SETBP1: variants seen among roughly 807,000 people sequenced by gnomAD.
The protein encoded by SETBP1 is SET binding protein 1.
A neutral mutation model predicts 101.0 loss-of-function variants in SETBP1; 9 were observed. That is an observed-to-expected ratio of 0.09 (90% CI 0.05 to 0.16). The LOEUF (loss-of-function observed/expected upper bound fraction) is 0.16, where lower values mean the gene tolerates loss of function less well. SETBP1 is among the 10% of genes least tolerant of loss of function. The probability of loss-of-function intolerance (pLI) is 1.00; values close to 1 mark genes in which losing one functional copy is unlikely to be tolerated. For synonymous variants in SETBP1, 818 were observed against 788.5 expected (o/e 1.04, Z -0.63); for missense variants, 1,858 against 2,033.8 (o/e 0.91, Z 1.66).
At chr18:44,704,805 G>A (rs1358049186) in intron 2 of SETBP1, among the ~76,000 whole-genome samples, 2 of 152,238 alleles carry the variant, frequency 1.3e-5, no homozygotes, top group Non-Finnish European at 2.9e-5. Context: ...CAGAATGGAT[G>A]AGGATGAGAT....
intron 2 of SETBP1, among the ~76,000 whole-genome samples, chr18:44,814,619 T>G (rs1413096944): frequency 6.6e-6 from 1 of 152,220 alleles, no homozygotes; most frequent in Non-Finnish European, 1.5e-5. Flanking sequence ...AAACCCCACA[T>G]GACAAGGACA....
intron 2 of SETBP1, among the ~76,000 whole-genome samples, chr18:44,755,238 G>A (rs949809674): frequency 6.6e-6 from 1 of 152,212 alleles, no homozygotes; most frequent in Non-Finnish European, 1.5e-5. Flanking sequence ...CTTGTGTGAT[G>A]GTTAATATTA....
intron 4 of SETBP1, among the ~76,000 whole-genome samples, chr18:44,956,445 A>G (rs2071483356): frequency 6.6e-6 from 1 of 151,990 alleles, no homozygotes; most frequent in Non-Finnish European, 1.5e-5. Flanking sequence ...CAGTGACTTT[A>G]TCTGAGTGGA....
chr18:44,777,492 G>A (rs1434432081), intron 2 of SETBP1, among the ~76,000 whole-genome samples: 1 of 152,148 alleles, frequency 6.6e-6, no homozygotes, highest in Non-Finnish European at 1.5e-5. Flanking sequence ...ACTGGTTCCT[G>A]GCCCGGCACC....
At chr18:44,791,262 A>T (rs944299413) in intron 2 of SETBP1, among the ~76,000 whole-genome samples, 6 of 152,202 alleles carry the variant, frequency 3.9e-5, no homozygotes, top group African/African-American at 1.4e-4. Flanking sequence ...TCAAATGCAC[A>T]GGTCAGCTCC....
At chr18:44,917,481 A>AT (rs2070457303) in intron 3 of SETBP1, among the ~76,000 whole-genome samples, 1 of 152,120 alleles carries the variant, frequency 6.6e-6, no homozygotes, top group Admixed American at 6.5e-5. Flanking sequence ...AAGCTTTAAA[A>AT]TTTTTTTAAC....
At chr18:44,819,327 C>G (rs1481466682) in intron 2 of SETBP1, among the ~76,000 whole-genome samples, 1 of 152,180 alleles carries the variant, frequency 6.6e-6, no homozygotes, top group African/African-American at 2.4e-5. Context: ...TTATCTGTCA[C>G]TCTGTCAGCT....
At chr18:44,965,752 T>C (rs2071709000) in intron 4 of SETBP1, among the ~76,000 whole-genome samples, 1 of 152,236 alleles carries the variant, frequency 6.6e-6, no homozygotes, top group Non-Finnish European at 1.5e-5. Flanking sequence ...GAATTTCAAC[T>C]GTGATAGAGG....
intron 3 of SETBP1, among the ~76,000 whole-genome samples, chr18:44,917,681 C>A (rs1398198142): frequency 6.6e-6 from 1 of 152,182 alleles, no homozygotes; most frequent in Non-Finnish European, 1.5e-5. Context: ...GAGTCCTCAG[C>A]ATTTCCCTCA....
chr18:44,782,350 C>T (rs1472132260), intron 2 of SETBP1, among the ~76,000 whole-genome samples: 8 of 151,082 alleles, frequency 5.3e-5, no homozygotes, highest in African/African-American at 9.7e-5. Flanking sequence ...TTTTTTGCTA[C>T]GTAGCCAACA....
chr18:44,963,749 G>C lies in SETBP1; in HGVS notation c.4000+10409G>C, dbSNP rs769168246. ...ATAAAAATATACAAAAATTAGCCTG[G>C]TGTGGTGGTGCACACCTGTAGTCCC... On this transcript the variant is annotated intron_variant, in intron 4 of 5. Coordinates refer to ENST00000649279, the MANE Select transcript of SETBP1 (RefSeq NM_015559.3). Among the ~76,000 whole-genome samples, 4 of 151,492 alleles carry C rather than the reference G, an allele frequency of 2.6e-5. No homozygotes were observed. In the East Asian group the frequency reaches 7.8e-4, roughly 29 times the overall value.
intron 2 of SETBP1, among the ~76,000 whole-genome samples, chr18:44,726,765 C>T (rs1383682160): frequency 1.3e-5 from 2 of 152,172 alleles, no homozygotes; most frequent in African/African-American, 4.8e-5. Context: ...CCTCAAGCCA[C>T]ACAACTGTGT....
chr18:44,710,564 G>GC (rs1406825307), intron 2 of SETBP1, among the ~76,000 whole-genome samples: 3 of 145,548 alleles, frequency 2.1e-5, no homozygotes, highest in South Asian at 2.2e-4. Context: ...CAATTCTCCT[G>GC]CCTCAGCCTC....
At chr18:44,788,363 T>C (rs969239993) in intron 2 of SETBP1, among the ~76,000 whole-genome samples, 2 of 152,186 alleles carry the variant, frequency 1.3e-5, no homozygotes, top group African/African-American at 4.8e-5. Context: ...ATTTGCAAAT[T>C]AATATGTCAC....
chr18:44,742,947 T>TTCTC (rs756180174), intron 2 of SETBP1, among the ~76,000 whole-genome samples: 11 of 144,542 alleles, frequency 7.6e-5, no homozygotes, highest in African/African-American at 2.6e-4. Flanking sequence ...CTCTCCCTCC[T>TTCTC]TCTCTCTCTC....
chr18:44,996,466 G>C (rs562113239), intron 4 of SETBP1, among the ~76,000 whole-genome samples: 3 of 152,150 alleles, frequency 2.0e-5, no homozygotes, highest in African/African-American at 7.2e-5. Context: ...CTCTGTCCAC[G>C]TGTAGGCCTG....
At chr18:44,886,679 T>A (rs1163433019) in intron 3 of SETBP1, among the ~76,000 whole-genome samples, 2 of 151,788 alleles carry the variant, frequency 1.3e-5, no homozygotes, top group East Asian at 3.9e-4. Flanking sequence ...TCAGAAATAA[T>A]GAAAAAACTC....
chr18:44,791,555 C>T (rs2071371632), intron 2 of SETBP1, among the ~76,000 whole-genome samples: 1 of 152,076 alleles, frequency 6.6e-6, no homozygotes, highest in South Asian at 2.1e-4. Flanking sequence ...CTAGACGTGT[C>T]CCAAACCACT....
Position 44,813,183 on chromosome 18 carries a change from G to A in SETBP1, c.487-56047G>A, listed in dbSNP as rs536484685. 1.1e-4 allele frequency among the ~76,000 whole-genome samples: 17 copies of A among 152,272 alleles called. No homozygotes were observed. In the East Asian group the frequency reaches 3.3e-3, roughly 29 times the overall value. On this transcript the variant is annotated intron_variant, in intron 2 of 5. Coordinates refer to ENST00000649279, the MANE Select transcript of SETBP1 (RefSeq NM_015559.3). ...TGTCCTACACTTAAACAAAATTAAA[G>A]TTGAACACTCCATTCTGTGGCCATG...
Sources: allele counts gnomAD v4.1 joint callset (sites outside exome capture counted in the v4.1 genomes callset), GRCh38; gene constraint gnomAD v4.1.1; transcripts MANE v1.5; gene names NCBI Gene and HGNC (gene_info 2026-07-23, HGNC 2026-07-21).